Variants in RABGAP1L observed in about 807,000 individuals in gnomAD.
The protein encoded by RABGAP1L is RAB GTPase activating protein 1 like.
RABGAP1L carries 63 observed loss-of-function variants against 137.7 expected under a neutral mutation model. The ratio of observed to expected loss-of-function variants is 0.46; its 90% confidence interval spans 0.37 to 0.56. The LOEUF (loss-of-function observed/expected upper bound fraction) is 0.56, where lower values mean the gene tolerates loss of function less well. Among genes scored for constraint, RABGAP1L ranks in the 20% least tolerant of loss-of-function variants. The probability of loss-of-function intolerance (pLI) is 0.00; values close to 1 mark genes in which losing one functional copy is unlikely to be tolerated. For synonymous variants in RABGAP1L, 431 were observed against 433.7 expected, an observed-to-expected ratio of 0.99 and a Z score of 0.08; for missense variants, 1,095 against 1,244.0, an observed-to-expected ratio of 0.88 and a Z score of 1.80.
At chr1:174,238,637 A>G (rs1671456005) in intron 4 of RABGAP1L, among the ~76,000 whole-genome samples, 1 of 150,418 alleles carries the variant, frequency 6.6e-6, no homozygotes, top group Non-Finnish European at 1.5e-5. Flanking sequence ...TCAGATCTCC[A>G]GCTGCGTGCT....
At chr1:174,268,935 C>CT (rs966543560) in intron 7 of RABGAP1L, among the ~76,000 whole-genome samples, 8 of 151,268 alleles carry the variant, frequency 5.3e-5, no homozygotes, top group African/African-American at 1.9e-4. Flanking sequence ...TTTTCTTTTT[C>CT]TTTTTTTTCT....
chr1:174,238,001 C>G (rs1323735161), intron 4 of RABGAP1L, among the ~76,000 whole-genome samples: 1 of 151,664 alleles, frequency 6.6e-6, no homozygotes, highest in Non-Finnish European at 1.5e-5. Flanking sequence ...AACTTCCCTT[C>G]TCACTTCATT....
chr1:174,555,536 CCCCCA>C (rs1351092275), intron 13 of RABGAP1L, among the ~76,000 whole-genome samples: 3 of 147,584 alleles, frequency 2.0e-5, no homozygotes, highest in African/African-American at 8.0e-5. Flanking sequence ...GTATGTCCCC[CCCCCA>C]AAAAAAATGT....
chr1:174,317,716 C>G (rs1326543244), intron 11 of RABGAP1L, among the ~76,000 whole-genome samples: 5 of 152,150 alleles, frequency 3.3e-5, no homozygotes, highest in Non-Finnish European at 7.3e-5. Context: ...TATGACTTGC[C>G]TAAGAGTTGC....
intron 15 of RABGAP1L, among the ~76,000 whole-genome samples, chr1:174,692,514 G>C (rs1033075406): frequency 9.9e-5 from 15 of 152,248 alleles, no homozygotes; most frequent in African/African-American, 3.6e-4. Flanking sequence ...GTTTGTCTGA[G>C]TCATAAAAAG....
At chr1:174,438,965 A>AT (rs754414484) in intron 13 of RABGAP1L, among the ~76,000 whole-genome samples, 1 of 151,522 alleles carries the variant, frequency 6.6e-6, no homozygotes, top group South Asian at 2.1e-4. Context: ...TTCCGACAAA[A>AT]TTTATTCATT....
chr1:174,421,460 T>G (rs1277634961), intron 13 of RABGAP1L, among the ~76,000 whole-genome samples: 1 of 152,212 alleles, frequency 6.6e-6, no homozygotes, highest in Non-Finnish European at 1.5e-5. Context: ...AAATCCAGAA[T>G]TTTTAAACTA....
chr1:174,672,276 C>CTT (rs1677239206), intron 14 of RABGAP1L, among the ~76,000 whole-genome samples: 1 of 126,130 alleles, frequency 7.9e-6, no homozygotes, highest in African/African-American at 3.3e-5. Context: ...TTTTTTTTTT[C>CTT]CTTTCTTTTT....
chr1:174,937,517 C>T (rs1440127263), intron 19 of RABGAP1L, among the ~76,000 whole-genome samples: 2 of 150,060 alleles, frequency 1.3e-5, no homozygotes, highest in African/African-American at 2.5e-5. Context: ...AACTCCTAAC[C>T]TCAGGCGATC....
intron 3 of RABGAP1L, 27 bp downstream of exon 3, chr1:174,221,191 T>C: frequency 7.0e-7 from 1 of 1,438,106 alleles, no homozygotes; most frequent in Non-Finnish European, 9.3e-7. Flanking sequence ...TTAGAAACTA[T>C]TAAAGAAATG....
intron 13 of RABGAP1L, among the ~76,000 whole-genome samples, chr1:174,398,360 C>T (rs2149094778): frequency 6.6e-6 from 1 of 152,226 alleles, no homozygotes; most frequent in Admixed American, 6.5e-5. Context: ...CTCAAAACCC[C>T]AGTGCTGTAA....
At chr1:174,967,330 A>ATT (rs35787924) in intron 20 of RABGAP1L, among the ~76,000 whole-genome samples, 1,939 of 115,798 alleles carry the variant, frequency 0.017, 36 homozygotes, top group Middle Eastern at 0.05. Context: ...CACCCAGCTA[A>ATT]TTTTTTTTTT....
Position 174,252,888 on chromosome 1 carries a change from C to T in RABGAP1L, c.986+298C>T, listed in dbSNP as rs557029814. On this transcript the variant is annotated intron_variant, in intron 7 of 25. Transcript: ENST00000681986. ...TACAGCATAAATACTTTTAACTTTT[C>T]AATCACTTTCGATTACTCTTCCACT... Among the ~76,000 whole-genome samples, 4 of 152,238 alleles carry T rather than the reference C, an allele frequency of 2.6e-5. No homozygotes were observed. The East Asian group carries it at 7.7e-4, about 29-fold the overall frequency.
At chr1:174,212,624 TAAAG>T (rs1192230331) in intron 1 of RABGAP1L, among the ~76,000 whole-genome samples, 2 of 151,642 alleles carry the variant, frequency 1.3e-5, no homozygotes, top group African/African-American at 4.8e-5. Flanking sequence ...TAACAATACT[TAAAG>T]AACTAGAAAA....
At chr1:174,864,020 A>G (rs1448168132) in intron 19 of RABGAP1L, among the ~76,000 whole-genome samples, 2 of 152,202 alleles carry the variant, frequency 1.3e-5, no homozygotes, top group African/African-American at 4.8e-5. Flanking sequence ...ACAGAATTCT[A>G]TAATATTTCT....
At chr1:174,242,984 G>A (rs1018111233) in intron 5 of RABGAP1L, 1 of 152,174 alleles carries the variant, frequency 6.6e-6, no homozygotes, top group Non-Finnish European at 1.5e-5. Flanking sequence ...CACTACAGAG[G>A]TGGGGAAGCA....
intron 2 of RABGAP1L, among the ~76,000 whole-genome samples, chr1:174,220,527 G>A (rs1468263111): frequency 6.6e-6 from 1 of 152,072 alleles, no homozygotes; most frequent in African/African-American, 2.4e-5. Flanking sequence ...AATTAGCTGG[G>A]TGTGGTCGTG....
intron 13 of RABGAP1L, among the ~76,000 whole-genome samples, chr1:174,507,328 T>G (rs1275294668): frequency 1.3e-5 from 2 of 152,162 alleles, no homozygotes; most frequent in African/African-American, 4.8e-5. Context: ...AGAATTAGGC[T>G]TGTTGGTGTA....
intron 13 of RABGAP1L, among the ~76,000 whole-genome samples, chr1:174,477,425 C>T (rs1353653168): frequency 6.6e-6 from 1 of 152,124 alleles, no homozygotes; most frequent in African/African-American, 2.4e-5. Flanking sequence ...ATCAAGTAAG[C>T]ATTGAATTTT....
Sources: gnomAD v4.1 joint callset for allele counts (sites outside exome capture counted in the v4.1 genomes callset) on GRCh38, gnomAD v4.1.1 for gene constraint, MANE v1.5 for transcripts, NCBI Gene and HGNC (gene_info 2026-07-23, HGNC 2026-07-21) for gene names.